STX2: variants seen among roughly 807,000 people sequenced by gnomAD.
The protein encoded by STX2 is syntaxin-2.
STX2 carries 27 observed loss-of-function variants against 40.6 expected under a neutral mutation model. The ratio of observed to expected loss-of-function variants is 0.66; its 90% CI spans 0.49 to 0.92. The LOEUF (loss-of-function observed/expected upper bound fraction) is 0.92. Among genes scored for constraint, STX2 ranks in the 40% least tolerant of loss-of-function variants. The pLI is 0.00. For synonymous variants in STX2, 123 were observed against 119.1 expected (o/e 1.03, Z -0.22); for missense variants, 328 against 366.1 (o/e 0.90, Z 0.85).
At chr12:130,804,545 T>G (rs1393312541) in intron 6 of STX2, among the ~76,000 whole-genome samples, 2 of 151,968 alleles carry the variant, frequency 1.3e-5, no homozygotes, top group Non-Finnish European at 2.9e-5. Flanking sequence ...GAAAGCCTGC[T>G]GTATAAAGAA....
intron 1 of STX2, among the ~76,000 whole-genome samples, chr12:130,829,276 C>T (rs1381675736): frequency 1.3e-5 from 2 of 152,216 alleles, no homozygotes; most frequent in Non-Finnish European, 2.9e-5. Context: ...AGAGTAAGAG[C>T]CGTCCTTTAC....
intron 1 of STX2, among the ~76,000 whole-genome samples, chr12:130,832,439 C>G (rs1015090948): frequency 6.6e-6 from 1 of 152,106 alleles, no homozygotes; most frequent in African/African-American, 2.4e-5. Context: ...AGAGAGAGGA[C>G]CACCGAGCCA....
intron 1 of STX2, among the ~76,000 whole-genome samples, chr12:130,830,034 CAT>C (rs1236204875): frequency 6.6e-6 from 1 of 152,198 alleles, no homozygotes; most frequent in Admixed American, 6.5e-5. Flanking sequence ...AAACTGTAAA[CAT>C]ATACAAAAGT....
At chr12:130,818,588 A>G (rs1052654781) in intron 3 of STX2, among the ~76,000 whole-genome samples, 2 of 152,182 alleles carry the variant, frequency 1.3e-5, no homozygotes, top group Non-Finnish European at 2.9e-5. Context: ...CCGCACAAGG[A>G]GCCGGGTCTC....
chr12:130,818,185 A>AAAATATATATAT lies in STX2; in HGVS notation c.205+3503_205+3504insATATATATATTT. ...GCTGTTTCTACAAAAAAAAAAAAAA[A>AAAATATATATAT]ATATATATATATATATATATATATA... On this transcript the variant is annotated intron_variant, in intron 3 of 10. Coordinates refer to ENST00000392373, the MANE Select transcript of STX2 (RefSeq NM_194356.4). 8.2e-4 allele frequency among the ~76,000 whole-genome samples: 58 copies of AAAATATATATAT among 70,524 alleles called. 1 individual carries two copies. The highest frequency in any genetic ancestry group is 8.5e-3 in the Middle Eastern group (1 of 118). The allele number at this position is 70,524 out of a possible 152,430, so 46.3% of individuals were successfully genotyped here. A position where few individuals can be genotyped will look rare whatever the true frequency, so the allele number is the denominator to read the frequency against.
chr12:130,830,077 C>T (rs1458877959), intron 1 of STX2, among the ~76,000 whole-genome samples: 4 of 152,340 alleles, frequency 2.6e-5, no homozygotes, highest in African/African-American at 4.8e-5. Context: ...CCCTCAGTGT[C>T]GCCATCACCC....
At chr12:130,813,262 T>A (rs1951727690) in intron 3 of STX2, among the ~76,000 whole-genome samples, 1 of 152,194 alleles carries the variant, frequency 6.6e-6, no homozygotes, top group African/African-American at 2.4e-5. Flanking sequence ...GGGCCCACCC[T>A]GGACCTACTC....
intron 8 of STX2, among the ~76,000 whole-genome samples, chr12:130,799,059 A>C (rs1001327864): frequency 6.6e-6 from 1 of 152,252 alleles, no homozygotes; most frequent in African/African-American, 2.4e-5. Flanking sequence ...CTACTTCTTT[A>C]AATCAGTAAA....
intron 3 of STX2, among the ~76,000 whole-genome samples, chr12:130,813,624 G>A (rs926893874): frequency 1.3e-5 from 2 of 152,230 alleles, no homozygotes; most frequent in African/African-American, 4.8e-5. Flanking sequence ...AGGGAGGCCA[G>A]CAGAGCAGGA....
chr12:130,815,826 T>C (rs1376588637), intron 3 of STX2, among the ~76,000 whole-genome samples: 1 of 152,252 alleles, frequency 6.6e-6, no homozygotes, highest in Non-Finnish European at 1.5e-5. Context: ...TGTACTTCAA[T>C]ATGTAAGTTA....
intron 3 of STX2, among the ~76,000 whole-genome samples, chr12:130,817,886 GGTAA>G (rs1213365785): frequency 1.1e-5 from 1 of 95,214 alleles, no homozygotes; most frequent in Non-Finnish European, 2.7e-5. Context: ...CACTGAAGGA[GGTAA>G]GAAGGAAGGG....
Position 130,834,356 on chromosome 12 carries a change from C to CA in STX2, c.30+4713dup, listed in dbSNP as rs11355842. ...TGGGCAAGAAAGCGACACTCTGTCT[C>CA]AAAAAAAAAAAAAAAAAAAAAGGTA... On this transcript the variant is annotated intron_variant, in intron 1 of 10. Transcript: ENST00000392373. Among the ~76,000 whole-genome samples the CA allele has an allele frequency of 3.5e-3, 326 of 92,582 alleles. 3 individuals carry two copies. Among genetic ancestry groups the CA allele is most frequent in the African/African-American group, 4.7e-3 (120 of 25,422 alleles). 60.7% of individuals were successfully genotyped at this position (92,582 alleles called of 152,430 possible).
At chr12:130,833,015 T>G (rs1952628310) in intron 1 of STX2, among the ~76,000 whole-genome samples, 1 of 152,134 alleles carries the variant, frequency 6.6e-6, no homozygotes, top group African/African-American at 2.4e-5. Context: ...GAAAGACACT[T>G]GATTCATCTG....
At chr12:130,813,602 C>T (rs1951740538) in intron 3 of STX2, among the ~76,000 whole-genome samples, 1 of 152,204 alleles carries the variant, frequency 6.6e-6, no homozygotes, top group Non-Finnish European at 1.5e-5. Context: ...AGGGGCCGGC[C>T]TCCTAACACG....
At chr12:130,793,465 T>G (rs899101127) in intron 10 of STX2, among the ~76,000 whole-genome samples, 2 of 151,044 alleles carry the variant, frequency 1.3e-5, no homozygotes, top group Admixed American at 6.6e-5. Context: ...CGCAGCGTGC[T>G]CTCATCTCCT....
intron 8 of STX2, among the ~76,000 whole-genome samples, chr12:130,799,416 A>G (rs1951141273): frequency 6.6e-6 from 1 of 152,220 alleles, no homozygotes; most frequent in South Asian, 2.1e-4. Flanking sequence ...AGCAATTACA[A>G]TTGAAGTCTA....
chr12:130,823,036 C>T (rs1952174988), intron 2 of STX2, among the ~76,000 whole-genome samples: 1 of 152,194 alleles, frequency 6.6e-6, no homozygotes, highest in Admixed American at 6.5e-5. Flanking sequence ...GGCACAGTGG[C>T]TCATGCCTGT....
At chr12:130,805,046 G>A (rs1297596213) in intron 6 of STX2, among the ~76,000 whole-genome samples, 5 of 152,172 alleles carry the variant, frequency 3.3e-5, no homozygotes, top group African/African-American at 9.7e-5. Context: ...CTAGAAAAGC[G>A]CTCACCACAG....
chr12:130,804,411 A>G (rs1206385291), intron 6 of STX2, among the ~76,000 whole-genome samples: 1 of 152,180 alleles, frequency 6.6e-6, no homozygotes, highest in Non-Finnish European at 1.5e-5. Context: ...TTCTGCAATG[A>G]GGTCTGAAGA....
Sources: allele counts gnomAD v4.1 joint callset (sites outside exome capture counted in the v4.1 genomes callset), GRCh38; gene constraint gnomAD v4.1.1; transcripts MANE v1.5; gene names NCBI Gene and HGNC (gene_info 2026-07-23, HGNC 2026-07-21).